Variants in CPA5 observed in about 807,000 individuals in gnomAD.
The protein encoded by CPA5 is carboxypeptidase A5, also known as testicular tissue protein Li 32.
In CPA5, 38 loss-of-function variants were observed where a neutral mutation model predicts 52.2. That is an observed-to-expected ratio of 0.73 (90% CI 0.56 to 0.95). The LOEUF is 0.95. Ranked by LOEUF, CPA5 falls within the 40% of genes least tolerant of loss-of-function variation. CPA5 has a pLI of 0.00. For missense variants in CPA5, 519 were observed against 566.7 expected, an observed-to-expected ratio of 0.92 and a Z score of 0.86; for synonymous variants, 198 against 213.7, an observed-to-expected ratio of 0.93 and a Z score of 0.64.
chr7:130,358,133 C>A (rs963070438), intron 5 of CPA5, among the ~76,000 whole-genome samples: 1 of 152,116 alleles, frequency 6.6e-6, no homozygotes, highest in African/African-American at 2.4e-5. Context: ...GATGGGACTG[C>A]GGGCATGCGT....
chr7:130,365,827 G>A (rs1339401927), intron 10 of CPA5, among the ~76,000 whole-genome samples: 3 of 152,264 alleles, frequency 2.0e-5, no homozygotes, highest in Non-Finnish European at 4.4e-5. Context: ...CTGCGCATCT[G>A]TTGCTGTTTG....
chr7:130,359,556 C>T, intron 5 of CPA5, 33 bp from the exon 6 acceptor site: 1 of 1,518,218 alleles, frequency 6.6e-7, no homozygotes. Context: ...CAGCTCTCCC[C>T]TTCCTTTCCA....
intron 5 of CPA5, among the ~76,000 whole-genome samples, chr7:130,353,069 C>T (rs1239706015): frequency 6.6e-6 from 1 of 152,194 alleles, no homozygotes; most frequent in Non-Finnish European, 1.5e-5. Context: ...CAATTTCCCT[C>T]GCCCTAGTGG....
chr7:130,350,564 A>G (rs2117314383), intron 5 of CPA5, among the ~76,000 whole-genome samples: 1 of 152,260 alleles, frequency 6.6e-6, no homozygotes, highest in African/African-American at 2.4e-5. Flanking sequence ...AAATGGTGAA[A>G]GAGCATTGTG....
At chr7:130,347,123 C>A (rs1228160829) in intron 3 of CPA5, among the ~76,000 whole-genome samples, 3 of 152,184 alleles carry the variant, frequency 2.0e-5, no homozygotes, top group African/African-American at 7.2e-5. Flanking sequence ...ACACAGCGAG[C>A]GTAGAGATGG....
chr7:130,348,894 G>A (rs1194863568), intron 4 of CPA5, among the ~76,000 whole-genome samples: 1 of 152,122 alleles, frequency 6.6e-6, no homozygotes, highest in Non-Finnish European at 1.5e-5. Flanking sequence ...GTTTTAAATT[G>A]CAAGCTGTTC....
intron 12 of CPA5, 78 bp downstream of exon 12, chr7:130,368,068 G>C: frequency 5.1e-6 from 7 of 1,362,352 alleles, no homozygotes; most frequent in South Asian, 2.4e-5. Context: ...CAAGGATCTA[G>C]CTGTGCTGGC....
At chr7:130,346,275 T>A (rs782565102) in intron 2 of CPA5, 118 bp from the exon 3 acceptor site, 5 of 443,294 alleles carry the variant, frequency 1.1e-5, no homozygotes, top group Non-Finnish European at 2.0e-5. Flanking sequence ...CTCTCTTCCC[T>A]CTCCCCTTCC....
chr7:130,371,594 G>A (rs144349753), downstream of CPA5, among the ~76,000 whole-genome samples: 97 of 151,810 alleles, frequency 6.4e-4, no homozygotes, highest in African/African-American at 2.2e-3. Context: ...TTTTGAGACG[G>A]AGTTTTGTTC....
At chr7:130,350,229 T>G in intron 5 of CPA5, 120 bp downstream of exon 5, 1 of 1,104,218 alleles carries the variant, frequency 9.1e-7, no homozygotes, top group East Asian at 2.4e-5. Context: ...TCCATCAGCG[T>G]GTTTGTGAAC....
intron 7 of CPA5, among the ~76,000 whole-genome samples, chr7:130,361,908 C>T (rs782406373): frequency 7.9e-5 from 12 of 152,324 alleles, no homozygotes; most frequent in East Asian, 3.9e-4. Context: ...TGGGCTCCTC[C>T]GAGCAGCCAA....
At chr7:130,361,097 C>T (rs782688758) in intron 6 of CPA5, 46 bp from the exon 7 acceptor site, 3 of 1,235,234 alleles carry the variant, frequency 2.4e-6, no homozygotes, top group Middle Eastern at 3.8e-4. Flanking sequence ...AGTGTTCATC[C>T]CTCTTCCTGC....
chr7:130,373,992 C>CA, the CPA5 span, among the ~76,000 whole-genome samples: 3 of 150,606 alleles, frequency 2.0e-5, 1 homozygote, highest in East Asian at 6.1e-4. Context: ...ACGCCGCCCC[C>CA]ACCCCGCCGC....
chr7:130,353,468 C>T (rs1467876702), intron 5 of CPA5, among the ~76,000 whole-genome samples: 1 of 152,220 alleles, frequency 6.6e-6, no homozygotes, highest in Non-Finnish European at 1.5e-5. Flanking sequence ...TCAGTGTTTC[C>T]ACCTGGGGGT....
At chr7:130,368,997 G>C (rs1296473722), downstream of CPA5, among the ~76,000 whole-genome samples, 1 of 152,208 alleles carries the variant, frequency 6.6e-6, no homozygotes, top group African/African-American at 2.4e-5. Flanking sequence ...CTCTAAAAGA[G>C]CATTTCTGAT....
intron 1 of CPA5, 171 bp downstream of exon 1, chr7:130,345,376 G>A (rs1308622745): frequency 6.6e-6 from 1 of 152,184 alleles, no homozygotes; most frequent in Admixed American, 6.5e-5. Flanking sequence ...GACTTGGTTG[G>A]ATTCAGCTTC....
chr7:130,365,041 G>C (rs1334509009), intron 10 of CPA5, among the ~76,000 whole-genome samples: 7 of 152,208 alleles, frequency 4.6e-5, no homozygotes, highest in Admixed American at 4.6e-4. Context: ...AGACCTATAG[G>C]CTGGTGTCCC....
intron 10 of CPA5, among the ~76,000 whole-genome samples, chr7:130,367,166 G>C (rs1238027277): frequency 1.3e-5 from 2 of 152,086 alleles, no homozygotes; most frequent in African/African-American, 2.4e-5. Context: ...AAAGAGCATG[G>C]AGAAGTCACA....
downstream of CPA5, among the ~76,000 whole-genome samples, chr7:130,371,471 C>T (rs1339511100): frequency 1.3e-5 from 2 of 152,172 alleles, no homozygotes; most frequent in Non-Finnish European, 2.9e-5. Flanking sequence ...TCTGCAGGAT[C>T]AGGGATGAGG....
Sources: gnomAD v4.1 joint callset for allele counts (sites outside exome capture counted in the v4.1 genomes callset) on GRCh38, gnomAD v4.1.1 for gene constraint, MANE v1.5 for transcripts, NCBI Gene and HGNC (gene_info 2026-07-23, HGNC 2026-07-21) for gene names.